DCBLD1: variants seen among roughly 807,000 people sequenced by gnomAD.
DCBLD1 encodes the protein discoidin, CUB and LCCL domain-containing protein 1.
A neutral mutation model predicts 71.5 loss-of-function variants in DCBLD1; 57 were observed. The ratio of observed to expected loss-of-function variants is 0.80; its 90% CI spans 0.64 to 0.99. The LOEUF is 0.99. DCBLD1 is among the 50% of genes least tolerant of loss of function. The pLI, the probability that DCBLD1 is intolerant of heterozygous loss-of-function variation, is 0.00. For missense variants in DCBLD1, 891 were observed against 923.5 expected (o/e 0.96, Z 0.46); for synonymous variants, 380 against 363.8 (o/e 1.04, Z -0.51).
In DCBLD1 at chr6:117,555,858, G is replaced by A. The variant is rs895746640; in HGVS notation, c.1615+10261G>A. ...ATAAAAATAATTGTTGGAATAGGAG[G>A]ACTGAAAGCTGACAATTTTATCTAT... On this transcript the variant is annotated intron_variant, in intron 14 of 14. Coordinates refer to the DCBLD1 transcript ENST00000296955. Among the ~76,000 whole-genome samples, 10 of 152,162 alleles carry A rather than the reference G, an allele frequency of 6.6e-5. No homozygotes were observed. The South Asian group carries it at 8.3e-4, about 13-fold the overall frequency.
downstream of DCBLD1, among the ~76,000 whole-genome samples, chr6:117,553,710 G>A (rs1779459884): frequency 6.6e-6 from 1 of 152,132 alleles, no homozygotes; most frequent in South Asian, 2.1e-4. Flanking sequence ...CATCCTTTCA[G>A]GGGATTTTAA....
At chr6:117,529,734 TAGTG>T (rs1778654646) in intron 5 of DCBLD1, among the ~76,000 whole-genome samples, 1 of 152,186 alleles carries the variant, frequency 6.6e-6, no homozygotes, top group Non-Finnish European at 1.5e-5. Context: ...AATAATATGA[TAGTG>T]AGACTTGATG....
chr6:117,497,746 C>T lies in DCBLD1; in HGVS notation c.113-6021C>T, dbSNP rs867506181. ...GTTTCCTGAATTTTTAATGACAGTC[C>T]GTGACTTCTTCCTATCTGTATTATG... On this transcript the variant is annotated intron_variant, in intron 1 of 14. Transcript: ENST00000338728. Among the ~76,000 whole-genome samples, 50 of 152,154 alleles carry T rather than the reference C, an allele frequency of 3.3e-4. 1 individual carries two copies. The Middle Eastern group carries it at 0.01, about 31-fold the overall frequency.
intron 1 of DCBLD1, among the ~76,000 whole-genome samples, chr6:117,496,936 T>TA (rs1158512232): frequency 3.3e-5 from 5 of 152,180 alleles, no homozygotes; most frequent in Middle Eastern, 3.2e-3. Context: ...TGAGGTGTGA[T>TA]AAAAAAATCT....
intron 2 of DCBLD1, among the ~76,000 whole-genome samples, chr6:117,515,312 G>A (rs906521502): frequency 7.2e-5 from 11 of 152,132 alleles, no homozygotes; most frequent in East Asian, 1.9e-4. Context: ...GTGAGCCACC[G>A]TGCCTGGCCA....
At chr6:117,564,533 A>G (rs576348154) in intron 14 of DCBLD1, among the ~76,000 whole-genome samples, 12 of 152,212 alleles carry the variant, frequency 7.9e-5, no homozygotes, top group Non-Finnish European at 4.4e-5. Flanking sequence ...AGTGTTGACT[A>G]TATCACCTAT....
Position 117,556,133 on chromosome 6 carries a change from C to T in DCBLD1, c.1615+10536C>T, listed in dbSNP as rs576373842. Among the ~76,000 whole-genome samples, 7 of 152,332 alleles carry T rather than the reference C, an allele frequency of 4.6e-5. No homozygotes were observed. In the South Asian group the frequency reaches 1.4e-3, roughly 32 times the overall value. On this transcript the variant is annotated intron_variant, in intron 14 of 14. Transcript: ENST00000296955. ...CAAATTGCAAATTCTACCTTTCCAA[C>T]GCATAGACTCCAAGTTTTAGTGTCG... is the stretch of plus-strand genomic sequence containing the variant.
At chr6:117,554,483 AGT>A (rs1779470741), downstream of DCBLD1, among the ~76,000 whole-genome samples, 1 of 152,254 alleles carries the variant, frequency 6.6e-6, no homozygotes, top group African/African-American at 2.4e-5. Flanking sequence ...CCCTAGAGCC[AGT>A]CAGATGATTA....
At chr6:117,508,179 G>A (rs1222972032) in intron 2 of DCBLD1, 1 of 152,150 alleles carries the variant, frequency 6.6e-6, no homozygotes, top group Admixed American at 6.5e-5. Flanking sequence ...GATTAAGGTA[G>A]CCTACCCAGG....
intron 14 of DCBLD1, among the ~76,000 whole-genome samples, chr6:117,546,892 T>C (rs1779283092): frequency 6.6e-6 from 1 of 152,130 alleles, no homozygotes; most frequent in African/African-American, 2.4e-5. Context: ...AATCCATTGT[T>C]CCTAACCCTC....
At chr6:117,494,262 A>C (rs1777394096) in intron 1 of DCBLD1, among the ~76,000 whole-genome samples, 1 of 152,226 alleles carries the variant, frequency 6.6e-6, no homozygotes, top group Non-Finnish European at 1.5e-5. Context: ...TTAATTTATA[A>C]AACTCAGTTT....
At chr6:117,504,203 G>T (rs569584657) in intron 2 of DCBLD1, among the ~76,000 whole-genome samples, 17 of 152,290 alleles carry the variant, frequency 1.1e-4, no homozygotes, top group African/African-American at 3.4e-4. Flanking sequence ...CAGAACCTTT[G>T]TTAGAGTTTC....
Position 117,521,551 on chromosome 6 carries a change from A to G in DCBLD1, c.487A>G (p.Ser163Gly), listed in dbSNP as rs1272867292. 6.4e-7 allele frequency: 1 copy of G among 1,570,096 alleles called. No individual in the cohort carries two copies. Among genetic ancestry groups the G allele is most frequent in the Non-Finnish European group, 8.6e-7 (1 of 1,167,060 alleles). The stretch of plus-strand genomic sequence containing the variant: ...TTTAATAACATGTTTGGAACGAGCT[A>G]GCCATTATTTGAAGACAGAATACAG... ...PDLITCLERA[S>G]HYLKTEYSKF... Residue 163 changes from serine (S) to glycine (G), a missense_variant, in exon 4 of 15, where the codon AGC (serine) becomes GGC (glycine). Physicochemically the swap from Ser to Gly is moderately conservative, Grantham distance 56 (BLOSUM62 0). Coordinates refer to ENST00000338728, the MANE Select transcript of DCBLD1 (RefSeq NM_001366458.2).
chr6:117,539,001 A>C (rs1329635575), intron 8 of DCBLD1, 166 bp downstream of exon 8: 7 of 829,326 alleles, frequency 8.4e-6, no homozygotes, highest in Non-Finnish European at 1.3e-5. Flanking sequence ...TGTGAAAAGA[A>C]TCTGTATGCA....
At chr6:117,533,545 T>G (rs973831449) in intron 6 of DCBLD1, among the ~76,000 whole-genome samples, 9 of 152,238 alleles carry the variant, frequency 5.9e-5, no homozygotes, top group African/African-American at 2.2e-4. Context: ...GTATTTTAGT[T>G]AGCAATGTCA....
At chr6:117,511,243 C>T (rs1049867480) in intron 2 of DCBLD1, among the ~76,000 whole-genome samples, 7 of 152,252 alleles carry the variant, frequency 4.6e-5, no homozygotes, top group Middle Eastern at 3.4e-3. Flanking sequence ...CAGGAGTATC[C>T]GGAGAATAAA....
At position 117,548,023 on chromosome 6, in the gene DCBLD1, T is replaced by TA; in HGVS notation, c.1733dup (p.Tyr578Ter). 1 of 1,550,022 alleles carries TA rather than the reference T, an allele frequency of 6.5e-7. No homozygotes were observed. The highest frequency in any genetic ancestry group is 8.7e-7 in the Non-Finnish European group (1 of 1,146,676). ...AGVSTDAGGH[Y>*]DCPQRAGRHE... ...GGTGAGCACCGATGCCGGCGGCCAC[T>TA]ATGACTGCCCGCAGCGGGCCGGCCG... Residue 578 changes from tyrosine (Y) to a stop codon, truncating the protein, a stop_gained and frameshift_variant, in exon 15 of 15, where the codon TAT (tyrosine) becomes TAAT (stop). Coordinates refer to ENST00000338728, the MANE Select transcript of DCBLD1 (RefSeq NM_001366458.2). LOFTEE classifies it low-confidence loss of function (END_TRUNC).
intron 2 of DCBLD1, among the ~76,000 whole-genome samples, chr6:117,514,078 C>G (rs1778110823): frequency 6.6e-6 from 1 of 152,152 alleles, no homozygotes; most frequent in South Asian, 2.1e-4. Context: ...ATTTTTCCCT[C>G]TCAATGCTAT....
At chr6:117,535,758 G>A (rs1242045724) in intron 6 of DCBLD1, among the ~76,000 whole-genome samples, 1 of 152,116 alleles carries the variant, frequency 6.6e-6, no homozygotes, top group Non-Finnish European at 1.5e-5. Context: ...ATGTAACAGC[G>A]TAGGAACGTT....
Sources: gnomAD v4.1 joint callset for allele counts (sites outside exome capture counted in the v4.1 genomes callset) on GRCh38, gnomAD v4.1.1 for gene constraint, MANE v1.5 for transcripts, NCBI Gene and HGNC (gene_info 2026-07-23, HGNC 2026-07-21) for gene names.